Variants in GRAMD1C observed in about 807,000 individuals in gnomAD.
The protein encoded by GRAMD1C is GRAM domain containing 1C, also known as protein Aster-C.
GRAMD1C carries 89 observed loss-of-function variants against 97.8 expected under a neutral mutation model. That is an observed-to-expected ratio of 0.91 (90% CI 0.77 to 1.09). The LOEUF (loss-of-function observed/expected upper bound fraction) is 1.09, where lower values mean the gene tolerates loss of function less well. GRAMD1C is among the 50% of genes least tolerant of loss of function. The probability of loss-of-function intolerance (pLI) is 0.00; values close to 1 mark genes in which losing one functional copy is unlikely to be tolerated. For synonymous variants in GRAMD1C, 256 were observed against 267.0 expected (o/e 0.96, Z 0.40); for missense variants, 740 against 766.4 (o/e 0.97, Z 0.41).
rs2107376211 is a variant in GRAMD1C at position 113,936,406 on chromosome 3, G to A, written c.1597G>A (p.Gly533Arg). Residue 533 changes from glycine to arginine, a missense_variant, in exon 14 of 18, where the codon GGA (glycine) becomes AGA (arginine). Coordinates refer to ENST00000358160, the MANE Select transcript of GRAMD1C (RefSeq NM_017577.5). ...TAAACTTTCCTCTCAGCATTCCTCT[G>A]GAGATGTGGGCTTAGGTGCCAAAGG... ...VPKLSSQHSS[G>R]DVGLGAKGDI... 1 of 1,613,056 alleles carries A rather than the reference G, an allele frequency of 6.2e-7. No homozygotes were observed. Among genetic ancestry groups the A allele is most frequent in the South Asian group, 1.1e-5 (1 of 90,876 alleles).
At chr3:113,849,770 C>T (rs1933786381) in intron 2 of GRAMD1C, among the ~76,000 whole-genome samples, 1 of 152,236 alleles carries the variant, frequency 6.6e-6, no homozygotes, top group African/African-American at 2.4e-5. Context: ...CACAAAACCG[C>T]CATTGTCATG....
chr3:113,945,541 C>A lies in GRAMD1C; in HGVS notation c.*63C>A. 2.4e-6 allele frequency: 2 copies of A among 846,354 alleles called. No homozygotes were observed. Among genetic ancestry groups the A allele is most frequent in the East Asian group, 2.5e-5 (1 of 40,526 alleles). The allele number at this position is 846,354 out of a possible 1,614,324, so 52.4% of individuals were successfully genotyped here. On this transcript the variant is annotated 3_prime_UTR_variant, in exon 18 of 18. Coordinates refer to ENST00000358160, the MANE Select transcript of GRAMD1C (RefSeq NM_017577.5). ...TTAAAGAAAATACCTGGAAGAAAACCAGACGAATGAAGGATTTTGGCATAG... is the reference window on the plus strand; with the variant it reads ...TTAAAGAAAATACCTGGAAGAAAACAAGACGAATGAAGGATTTTGGCATAG...
At chr3:113,860,979 A>G (rs935514216) in intron 2 of GRAMD1C, among the ~76,000 whole-genome samples, 3 of 151,922 alleles carry the variant, frequency 2.0e-5, no homozygotes, top group Non-Finnish European at 2.9e-5. Context: ...AAAAAAAAAA[A>G]AAAGAAAACA....
intron 6 of GRAMD1C, 43 bp downstream of exon 6, chr3:113,882,875 C>T (rs1189120121): frequency 2.2e-6 from 2 of 904,014 alleles, no homozygotes; most frequent in African/African-American, 3.3e-5. Context: ...ATAAGAACCT[C>T]CTAGTGTATT....
At chr3:113,908,349 A>G (rs1936442420) in intron 8 of GRAMD1C, among the ~76,000 whole-genome samples, 1 of 152,224 alleles carries the variant, frequency 6.6e-6, no homozygotes, top group Non-Finnish European at 1.5e-5. Flanking sequence ...AAACCATCTC[A>G]GAAAGTATAG....
At position 113,875,671 on chromosome 3, in the gene GRAMD1C, A is replaced by G. The variant is rs1478815124; in HGVS notation, c.363+84A>G. On this transcript the variant is annotated intron_variant, in intron 4 of 17. Transcript: ENST00000358160. ...TCTTCCAAAAACTCTACTTTAGATG[A>G]TTCCAAAGTAAATTTATATATATTT... The G allele has an allele frequency of 2.5e-5, 17 of 687,686 alleles. No homozygotes were observed. The East Asian group carries it at 4.3e-4, about 17-fold the overall frequency. 42.6% of individuals were successfully genotyped at this position (687,686 alleles called of 1,614,324 possible).
Position 113,924,011 on chromosome 3 carries a change from T to C in GRAMD1C, c.1091-6703T>C, listed in dbSNP as rs561609020. ...TTCTTCCTGGCTCAATCTTGGGAGGTTTTATATTTCCAGAAATTTATCCAT... is the reference window on the plus strand; with the variant it reads ...TTCTTCCTGGCTCAATCTTGGGAGGCTTTATATTTCCAGAAATTTATCCAT... On this transcript the variant is annotated intron_variant, in intron 10 of 17. Coordinates refer to ENST00000358160, the MANE Select transcript of GRAMD1C (RefSeq NM_017577.5). 4.6e-5 allele frequency among the ~76,000 whole-genome samples: 7 copies of C among 151,808 alleles called. No individual in the cohort carries two copies. The South Asian group carries it at 1.5e-3, about 32-fold the overall frequency.
intron 5 of GRAMD1C, among the ~76,000 whole-genome samples, chr3:113,880,559 T>C (rs1213908692): frequency 6.6e-6 from 1 of 152,176 alleles, no homozygotes. Flanking sequence ...CTTTCTAATA[T>C]TTTATTATTA....
At chr3:113,838,138 T>G (rs1383940099), upstream of GRAMD1C, among the ~76,000 whole-genome samples, 1 of 152,196 alleles carries the variant, frequency 6.6e-6, no homozygotes, top group Non-Finnish European at 1.5e-5. Context: ...AGGTTAAATT[T>G]GGAACGCTCT....
intron 1 of GRAMD1C, among the ~76,000 whole-genome samples, chr3:113,839,878 A>G (rs575912183): frequency 6.6e-6 from 1 of 152,286 alleles, no homozygotes; most frequent in African/African-American, 2.4e-5. Context: ...GAGAGACAGG[A>G]ATCTACTGTA....
At chr3:113,843,446 GC>G (rs35195264) in intron 1 of GRAMD1C, among the ~76,000 whole-genome samples, 76,307 of 151,418 alleles carry the variant, frequency 0.5, 19,753 homozygotes, top group Middle Eastern at 0.67. Context: ...TTTTTTAACT[GC>G]CTGATGAGTG....
intron 8 of GRAMD1C, among the ~76,000 whole-genome samples, chr3:113,907,320 C>T (rs1936405805): frequency 6.6e-6 from 1 of 152,186 alleles, no homozygotes; most frequent in African/African-American, 2.4e-5. Flanking sequence ...TTTTACCAGT[C>T]ATGCATCTAC....
chr3:113,907,286 A>G (rs1394375753), intron 8 of GRAMD1C, among the ~76,000 whole-genome samples: 1 of 152,230 alleles, frequency 6.6e-6, no homozygotes, highest in Admixed American at 6.5e-5. Flanking sequence ...ATTTATGTGG[A>G]AGGCCAGCAT....
intron 10 of GRAMD1C, among the ~76,000 whole-genome samples, chr3:113,924,566 A>G (rs1937169288): frequency 6.6e-6 from 1 of 152,030 alleles, no homozygotes; most frequent in Non-Finnish European, 1.5e-5. Flanking sequence ...TTTCCATGTA[A>G]TTGTATGATT....
chr3:113,939,190 A>T (rs2107381118), intron 15 of GRAMD1C: 1 of 152,288 alleles, frequency 6.6e-6, no homozygotes, highest in Admixed American at 6.5e-5. Flanking sequence ...TTAATAGAAA[A>T]AGTAGACAGA....
Position 113,839,697 on chromosome 3 carries a change from A to T in GRAMD1C, c.27+761A>T, listed in dbSNP as rs567530068. Among the ~76,000 whole-genome samples the T allele has an allele frequency of 2.0e-5, 3 of 152,370 alleles. No individual in the cohort carries two copies. The East Asian group carries it at 5.8e-4, about 29-fold the overall frequency. Reference sequence around the variant, plus strand: ...AACCCAATCAGTCACTGATTCAGTTATGTCCCTGGCACTGGGTGTTCGGGA... The same window carrying T: ...AACCCAATCAGTCACTGATTCAGTTTTGTCCCTGGCACTGGGTGTTCGGGA... On this transcript the variant is annotated intron_variant, in intron 1 of 17. Coordinates refer to ENST00000358160, the MANE Select transcript of GRAMD1C (RefSeq NM_017577.5).
At chr3:113,915,386 T>G (rs1936773258) in intron 9 of GRAMD1C, among the ~76,000 whole-genome samples, 1 of 152,188 alleles carries the variant, frequency 6.6e-6, no homozygotes, top group African/African-American at 2.4e-5. Context: ...TTCTTTTGAG[T>G]GACATATTAT....
chr3:113,895,606 A>G (rs1935905801), intron 6 of GRAMD1C, among the ~76,000 whole-genome samples: 1 of 152,016 alleles, frequency 6.6e-6, no homozygotes, highest in Non-Finnish European at 1.5e-5. Context: ...ACCTACCTGG[A>G]AAAAAAATGA....
At chr3:113,910,180 A>C (rs376984155) in intron 9 of GRAMD1C, among the ~76,000 whole-genome samples, 3 of 152,180 alleles carry the variant, frequency 2.0e-5, no homozygotes, top group Non-Finnish European at 2.9e-5. Flanking sequence ...TCAGGAGTTC[A>C]AGACCAGTCT....
Sources: gnomAD v4.1 joint callset for allele counts (sites outside exome capture counted in the v4.1 genomes callset) on GRCh38, gnomAD v4.1.1 for gene constraint, MANE v1.5 for transcripts, NCBI Gene and HGNC (gene_info 2026-07-23, HGNC 2026-07-21) for gene names.